Variants in NEDD4L observed in about 807,000 individuals in gnomAD.
NEDD4L encodes NEDD4 like E3 ubiquitin protein ligase.
A neutral mutation model predicts 148.9 loss-of-function variants in NEDD4L; 54 were observed. The ratio of observed to expected loss-of-function variants is 0.36; its 90% CI spans 0.29 to 0.45. The LOEUF is 0.45. Among genes scored for constraint, NEDD4L ranks in the 20% least tolerant of loss-of-function variants. The pLI, the probability that NEDD4L is intolerant of heterozygous loss-of-function variation, is 1.00. For missense variants in NEDD4L, 856 were observed against 1,233.8 expected (o/e 0.69, Z 4.59); for synonymous variants, 433 against 440.7 (o/e 0.98, Z 0.22).
At chr18:58,224,139 G>A (rs1643511430) in intron 2 of NEDD4L, among the ~76,000 whole-genome samples, 1 of 152,248 alleles carries the variant, frequency 6.6e-6, no homozygotes, top group Admixed American at 6.5e-5. Flanking sequence ...ACCGCTTTCA[G>A]TGATGTAAGC....
chr18:58,078,015 ATTTTTTT>A (rs56093190), intron 1 of NEDD4L, among the ~76,000 whole-genome samples: 2 of 143,046 alleles, frequency 1.4e-5, no homozygotes, highest in Non-Finnish European at 1.5e-5. Flanking sequence ...TGAGAAACGT[ATTTTTTT>A]TTTTTTTTTT....
intron 16 of NEDD4L, among the ~76,000 whole-genome samples, chr18:58,344,653 T>A (rs1394049933): frequency 6.6e-6 from 1 of 152,238 alleles, no homozygotes; most frequent in Non-Finnish European, 1.5e-5. Context: ...AAGATAATGT[T>A]ACAGATTTGC....
At chr18:58,377,638 C>T (rs571436067) in intron 24 of NEDD4L, among the ~76,000 whole-genome samples, 2 of 152,314 alleles carry the variant, frequency 1.3e-5, no homozygotes, top group African/African-American at 4.8e-5. Flanking sequence ...CTGCTGTGCA[C>T]ACATACCTGC....
chr18:58,101,823 G>A (rs968422705), intron 1 of NEDD4L, among the ~76,000 whole-genome samples: 2 of 152,182 alleles, frequency 1.3e-5, no homozygotes, highest in Non-Finnish European at 1.5e-5. Context: ...GAGCCAGGAT[G>A]GAGAACTTTT....
At chr18:58,209,688 G>A (rs1350762796) in intron 2 of NEDD4L, among the ~76,000 whole-genome samples, 1 of 144,790 alleles carries the variant, frequency 6.9e-6, no homozygotes, top group Non-Finnish European at 1.5e-5. Flanking sequence ...TGCATCCTAA[G>A]AAATTAGAAA....
At chr18:58,337,364 C>T (rs939944279) in intron 13 of NEDD4L, among the ~76,000 whole-genome samples, 5 of 152,184 alleles carry the variant, frequency 3.3e-5, no homozygotes, top group South Asian at 4.1e-4. Flanking sequence ...CATCCTTTGT[C>T]GTGAATGCCC....
intron 5 of NEDD4L, among the ~76,000 whole-genome samples, chr18:58,272,877 G>T (rs116048921): frequency 1.3e-5 from 2 of 152,170 alleles, no homozygotes; most frequent in Admixed American, 1.3e-4. Flanking sequence ...TTCATGAATG[G>T]TAGAGACACT....
At chr18:58,356,616 G>A (rs1238767043) in intron 18 of NEDD4L, among the ~76,000 whole-genome samples, 4 of 152,208 alleles carry the variant, frequency 2.6e-5, no homozygotes, top group Admixed American at 2.0e-4. Flanking sequence ...ACCATGCTCT[G>A]TAATCTTCCT....
intron 1 of NEDD4L, among the ~76,000 whole-genome samples, chr18:58,048,487 C>T (rs2081698315): frequency 6.6e-6 from 1 of 152,130 alleles, no homozygotes; most frequent in Non-Finnish European, 1.5e-5. Flanking sequence ...GTTACGTGAC[C>T]TGCATAAGGA....
At chr18:58,385,891 T>C (rs1259287219) in intron 26 of NEDD4L, among the ~76,000 whole-genome samples, 1 of 152,012 alleles carries the variant, frequency 6.6e-6, no homozygotes, top group Non-Finnish European at 1.5e-5. Flanking sequence ...ACCATTGTCT[T>C]GGAGTTTCAG....
chr18:58,388,170 T>C (rs994466232), intron 27 of NEDD4L: 2 of 152,288 alleles, frequency 1.3e-5, no homozygotes, highest in African/African-American at 4.8e-5. Context: ...TCGCCCTTTG[T>C]TGTGTCGAGA....
At chr18:58,140,747 TCTG>T (rs564808434) in intron 1 of NEDD4L, among the ~76,000 whole-genome samples, 5 of 152,236 alleles carry the variant, frequency 3.3e-5, no homozygotes, top group Non-Finnish European at 7.3e-5. Context: ...GTGGCAGAGT[TCTG>T]CTGCTGAATT....
chr18:58,387,769 CT>C (rs2049238313), intron 27 of NEDD4L: 7 of 319,252 alleles, frequency 2.2e-5, no homozygotes, highest in Non-Finnish European at 3.9e-5. Flanking sequence ...TGGAACATGC[CT>C]AGTAAGTAGA....
chr18:58,257,415 A>G (rs985188321), intron 5 of NEDD4L, among the ~76,000 whole-genome samples: 3 of 152,126 alleles, frequency 2.0e-5, no homozygotes, highest in African/African-American at 4.8e-5. Context: ...CTATCCCACA[A>G]GTGACACTGC....
At chr18:58,224,658 G>C (rs2044155480) in intron 2 of NEDD4L, among the ~76,000 whole-genome samples, 1 of 152,118 alleles carries the variant, frequency 6.6e-6, no homozygotes. Context: ...TCATTCAAAA[G>C]GCTATTTAAG....
At chr18:58,364,964 C>G (rs1348646947) in intron 20 of NEDD4L, among the ~76,000 whole-genome samples, 2 of 152,184 alleles carry the variant, frequency 1.3e-5, no homozygotes, top group Non-Finnish European at 2.9e-5. Flanking sequence ...TCCGATTCCT[C>G]CTTAGCAGTT....
At chr18:58,081,078 A>G (rs1475417347) in intron 1 of NEDD4L, among the ~76,000 whole-genome samples, 1 of 152,176 alleles carries the variant, frequency 6.6e-6, no homozygotes, top group Non-Finnish European at 1.5e-5. Flanking sequence ...AATGAATAAA[A>G]AACCTAGGGT....
intron 1 of NEDD4L, chr18:58,047,139 C>T (rs1429334978): frequency 3.6e-6 from 2 of 553,944 alleles, no homozygotes; most frequent in Non-Finnish European, 4.6e-6. Context: ...CTGAAGCAAA[C>T]GGCAGGGTTG....
At chr18:58,240,707 C>T (rs1011754258) in intron 2 of NEDD4L, among the ~76,000 whole-genome samples, 60 of 152,122 alleles carry the variant, frequency 3.9e-4, no homozygotes, top group Non-Finnish European at 5.1e-4. Flanking sequence ...GGAGGCCTTC[C>T]GTTGGGTCCC....
Sources: gnomAD v4.1 joint callset for allele counts (sites outside exome capture counted in the v4.1 genomes callset) on GRCh38, gnomAD v4.1.1 for gene constraint, MANE v1.5 for transcripts, NCBI Gene and HGNC (gene_info 2026-07-23, HGNC 2026-07-21) for gene names.